SEMA6B: variants seen among roughly 807,000 people sequenced by gnomAD.
SEMA6B encodes the protein semaphorin 6B.
In SEMA6B, 47 loss-of-function variants were observed where a neutral mutation model predicts 78.6. The ratio of observed to expected loss-of-function variants is 0.60; its 90% confidence interval spans 0.47 to 0.76. The LOEUF (loss-of-function observed/expected upper bound fraction) is 0.76. Among genes scored for constraint, SEMA6B ranks in the 30% least tolerant of loss-of-function variants. The pLI, the probability that SEMA6B is intolerant of heterozygous loss-of-function variation, is 0.00. For missense variants in SEMA6B, 1,213 were observed against 1,269.9 expected, an observed-to-expected ratio of 0.96 and a Z score of 0.68; for synonymous variants, 632 against 592.2, an observed-to-expected ratio of 1.07 and a Z score of -0.98.
chr19:4,557,325 C>A, intron 3 of SEMA6B, 102 bp from the exon 4 acceptor site: 1 of 771,482 alleles, frequency 1.3e-6, no homozygotes, highest in Non-Finnish European at 2.1e-6. Context: ...GCATGCAGGG[C>A]CATGCCAATG....
In SEMA6B at chr19:4,552,714, A is replaced by G. The variant is rs532871894; in HGVS notation, c.772-75T>C. On this transcript the variant is annotated intron_variant, in intron 9 of 16. Transcript: ENST00000586582. This position sits in a 1 kb window ranked among gnomAD's most constrained non-coding sequence, Gnocchi z 7.4. ...GGCCTGTTCACAGGCTGTGCCACTCACCACCCAAACTGTGATGGAGGAGTC... is the reference window on the plus strand; with the variant it reads ...GGCCTGTTCACAGGCTGTGCCACTCGCCACCCAAACTGTGATGGAGGAGTC... The G allele has an allele frequency of 2.9e-6, 4 of 1,385,322 alleles. No homozygotes were observed. The South Asian group carries it at 5.4e-5, about 19-fold the overall frequency. 85.8% of individuals were successfully genotyped at this position (1,385,322 alleles called of 1,614,324 possible).
chr19:4,555,279 A>T lies in SEMA6B; in HGVS notation c.563-184T>A, dbSNP rs1002562137. Among the ~76,000 whole-genome samples, 1 of 151,822 alleles carries T rather than the reference A, an allele frequency of 6.6e-6. No individual in the cohort carries two copies. The highest frequency in any genetic ancestry group is 1.5e-5 in the Non-Finnish European group (1 of 67,946). ...AGCCCTGACCTTAACTGAGCCCCTG[A>T]CCCCGGCTAAGCCCCAAATCCCGCT... On this transcript the variant is annotated intron_variant, in intron 7 of 16. Coordinates refer to ENST00000586582, the MANE Select transcript of SEMA6B (RefSeq NM_032108.4). This position sits in a 1 kb window ranked among gnomAD's most constrained non-coding sequence, Gnocchi z 6.1.
chr19:4,542,734 G>A lies in SEMA6B; in HGVS notation c.*867C>T, dbSNP rs1213385675. 1.4e-6 allele frequency: 1 copy of A among 694,388 alleles called. No individual in the cohort carries two copies. Among genetic ancestry groups the A allele is most frequent in the South Asian group, 1.5e-5 (1 of 66,546 alleles). The allele number at this position is 694,388 out of a possible 1,614,324, so 43.0% of individuals were successfully genotyped here. ...AGGTCACAAGGGGACGGGTGGCATG[G>A]GACTCTCTCACCACCCTGGGGCCGT... On this transcript the variant is annotated 3_prime_UTR_variant, in exon 17 of 17. Transcript: ENST00000586582.
chr19:4,557,041 G>T, intron 4 of SEMA6B, 28 bp from the exon 5 acceptor site: 1 of 1,609,074 alleles, frequency 6.2e-7, no homozygotes, highest in Non-Finnish European at 8.5e-7. Flanking sequence ...TGGTGAGGGG[G>T]TAACGGGTCC....
Position 4,550,957 on chromosome 19 carries a change from G to A in SEMA6B, c.990-27C>T, listed in dbSNP as rs1005751452. 3.1e-6 allele frequency: 5 copies of A among 1,612,408 alleles called. No individual in the cohort carries two copies. Among genetic ancestry groups the A allele is most frequent in the Non-Finnish European group, 4.2e-6 (5 of 1,179,352 alleles). Reference sequence around the variant, plus strand: ...TGAGGGGTTGGGATGAAAGAGTTTGGTGAGCCCGGTGGGAGGCCCCATCTC... The same window carrying A: ...TGAGGGGTTGGGATGAAAGAGTTTGATGAGCCCGGTGGGAGGCCCCATCTC... On this transcript the variant is annotated intron_variant, in intron 10 of 16. Coordinates refer to ENST00000586582, the MANE Select transcript of SEMA6B (RefSeq NM_032108.4). This position sits in a 1 kb window ranked among gnomAD's most constrained non-coding sequence, Gnocchi z 6.6.
At chr19:4,548,576 G>GT (rs1321208102) in intron 12 of SEMA6B, 131 bp from the exon 13 acceptor site, 3 of 832,294 alleles carry the variant, frequency 3.6e-6, no homozygotes, top group Non-Finnish European at 5.6e-6. Context: ...ATAAATGCGT[G>GT]TGTGCATGGA....
At position 4,543,990 on chromosome 19, in the gene SEMA6B, C is replaced by G. The variant is rs1239708050; in HGVS notation, c.2278G>C (p.Glu760Gln). The part of the protein sequence containing the change: ...LLLLAPARAP[E>Q]QPPAPGEPTP... ...GGCTCCCCAGGCGCGGGGGGCTGCT[C>G]GGGGGCCCGGGCGGGCGCCAGCAGC... Residue 760 changes from glutamate to glutamine, a missense_variant, in exon 17 of 17, where the codon GAG becomes CAG. By Grantham distance (29) the Glu-to-Gln change is conservative. Coordinates refer to ENST00000586582, the MANE Select transcript of SEMA6B (RefSeq NM_032108.4). 1.7e-6 allele frequency: 2 copies of G among 1,204,726 alleles called. No individual in the cohort carries two copies. Among genetic ancestry groups the G allele is most frequent in the Admixed American group, 4.4e-5 (1 of 22,548 alleles). The allele number at this position is 1,204,726 out of a possible 1,614,324, so 74.6% of individuals were successfully genotyped here. A position where few individuals can be genotyped will look rare whatever the true frequency, so the allele number is the denominator to read the frequency against.
Position 4,555,461 on chromosome 19 carries a change from G to A in SEMA6B, c.562+13C>T. 6.2e-7 allele frequency: 1 copy of A among 1,607,354 alleles called. No individual in the cohort carries two copies. Among genetic ancestry groups the A allele is most frequent in the Admixed American group, 1.7e-5 (1 of 58,680 alleles). On this transcript the variant is annotated intron_variant, in intron 7 of 16. Coordinates refer to ENST00000586582, the MANE Select transcript of SEMA6B (RefSeq NM_032108.4). The surrounding 1 kb of genome is among the most constrained non-coding windows in gnomAD (Gnocchi z 6.1). ...GCTGGGGCTGATCAGATGGAGGTTG[G>A]GGGGGTACTTACCAGAGAAGAGGGC...
intron 3 of SEMA6B, among the ~76,000 whole-genome samples, 198 bp from the exon 4 acceptor site, chr19:4,557,421 G>A (rs150489470): frequency 1.6e-3 from 240 of 152,190 alleles, no homozygotes; most frequent in African/African-American, 5.5e-3. Context: ...CCTCCTGCCC[G>A]GCACGCCCCA....
rs780268493 is a variant in SEMA6B at position 4,548,161 on chromosome 19, G to C, written c.1467C>G (p.Pro489=). The change falls in exon 14 of 17, where the codon CCC becomes CCG. Residue 489 remains proline (P), a synonymous_variant. Coordinates refer to ENST00000586582, the MANE Select transcript of SEMA6B (RefSeq NM_032108.4). ...ETYRPDRCGR[P]GGGETGQRLL... ...GCCGCTGCCCTGTCTCGCCACCGCCGGGCCGTCCACACCTGGGGACAAGCA... is the reference window on the plus strand; with the variant it reads ...GCCGCTGCCCTGTCTCGCCACCGCCCGGCCGTCCACACCTGGGGACAAGCA... 22 of 1,591,756 alleles carry C rather than the reference G, an allele frequency of 1.4e-5. No individual in the cohort carries two copies. The highest frequency in any genetic ancestry group is 1.8e-5 in the Non-Finnish European group (21 of 1,167,232).
chr19:4,548,337 C>A lies in SEMA6B; in HGVS notation c.1380G>T (p.Arg460=). 1.2e-6 allele frequency: 2 copies of A among 1,613,926 alleles called. No homozygotes were observed. The highest frequency in any genetic ancestry group is 1.7e-6 in the Non-Finnish European group (2 of 1,180,016). The part of the protein sequence containing the change: ...EAGTVLKFLV[R]PNASTSGTSG... Reference sequence around the variant, plus strand: ...ACGTCCCTGAGGTGCTGGCATTGGGCCGGACGAGGAACTTGAGGACCGTCC... The same window carrying A: ...ACGTCCCTGAGGTGCTGGCATTGGGACGGACGAGGAACTTGAGGACCGTCC... The change falls in exon 13 of 17, where the codon CGG becomes CGT. Residue 460 remains arginine (R), a synonymous_variant. Transcript: ENST00000586582.
chr19:4,543,667 C>G lies in SEMA6B; in HGVS notation c.2601G>C (p.Pro867=), dbSNP rs1013629555. The G allele has an allele frequency of 6.5e-6, 8 of 1,231,000 alleles. No individual in the cohort carries two copies. The highest frequency in any genetic ancestry group is 4.1e-6 in the Non-Finnish European group (4 of 987,488). The allele number at this position is 1,231,000 out of a possible 1,614,324, so 76.3% of individuals were successfully genotyped here. The part of the protein sequence containing the change: ...GDRHRGCHAR[P]GTDLAHLLPY... ...GGAGGAGGTGGGCCAAGTCTGTGCC[C>G]GGCCGGGCGTGGCAGCCGCGGTGGC... The change falls in exon 17 of 17, where the codon CCG becomes CCC. Residue 867 remains proline, a synonymous_variant. Coordinates refer to ENST00000586582, the MANE Select transcript of SEMA6B (RefSeq NM_032108.4).
At position 4,543,372 on chromosome 19, in the gene SEMA6B, C is replaced by G. The variant is rs934979004; in HGVS notation, c.*229G>C. Reference sequence around the variant, plus strand: ...GTCAACCTCAAATCCATAGCAAAGTCCTCCCGCCCACCCACCCCCAAACCG... The same window carrying G: ...GTCAACCTCAAATCCATAGCAAAGTGCTCCCGCCCACCCACCCCCAAACCG... On this transcript the variant is annotated 3_prime_UTR_variant, in exon 17 of 17. Transcript: ENST00000586582. 9.8e-6 allele frequency: 4 copies of G among 406,168 alleles called. No individual in the cohort carries two copies. 25.2% of individuals were successfully genotyped at this position (406,168 alleles called of 1,614,324 possible).
chr19:4,554,973 C>T lies in SEMA6B; in HGVS notation c.682+3G>A. On this transcript the variant is annotated splice_donor_region_variant and intron_variant, in intron 8 of 16. Coordinates refer to ENST00000586582, the MANE Select transcript of SEMA6B (RefSeq NM_032108.4). Reference sequence around the variant, plus strand: ...CTGGGCCCACTGCCCTTCCTGGTCTCACCTTTGAACCACTTGGAGTCATGT... The same window carrying T: ...CTGGGCCCACTGCCCTTCCTGGTCTTACCTTTGAACCACTTGGAGTCATGT... 1 of 1,613,464 alleles carries T rather than the reference C, an allele frequency of 6.2e-7. No individual in the cohort carries two copies. Among genetic ancestry groups the T allele is most frequent in the Non-Finnish European group, 8.5e-7 (1 of 1,179,626 alleles).
rs184202976 is a variant in SEMA6B, at chr19:4,550,725, G to C, written c.1121+74C>G. 6.4e-7 allele frequency: 1 copy of C among 1,557,590 alleles called. No homozygotes were observed. Among genetic ancestry groups the C allele is most frequent in the Admixed American group, 1.8e-5 (1 of 55,556 alleles). On this transcript the variant is annotated intron_variant, in intron 11 of 16. Transcript: ENST00000586582. The surrounding 1 kb of genome is among the most constrained non-coding windows in gnomAD (Gnocchi z 6.6). ...CTCAGCATCAGCTAAATAACCACCC[G>C]GAAGCCCCAGCCCTCGGCCCTGGGG... is the stretch of plus-strand genomic sequence containing the variant.
chr19:4,557,717 G>T (rs1977510502), intron 3 of SEMA6B, among the ~76,000 whole-genome samples: 1 of 152,142 alleles, frequency 6.6e-6, no homozygotes, highest in African/African-American at 2.4e-5. Flanking sequence ...ACCTGGTCCA[G>T]CCTCAATCAT....
intron 9 of SEMA6B, among the ~76,000 whole-genome samples, chr19:4,553,053 A>G (rs1369020731): frequency 2.6e-5 from 4 of 152,236 alleles, no homozygotes; most frequent in African/African-American, 9.6e-5. Flanking sequence ...GGTTGCCTGG[A>G]TGGACGGATG....
chr19:4,546,469 C>T lies in SEMA6B; in HGVS notation c.1602G>A (p.Lys534=), dbSNP rs746586767. ...ARCQQYSGCM[K]NCIGSQDPYC... ...AGGGGTCCTGACTGCCGATACAGTTCCTAGAGCAGACCAGGGACCGAATGG... is the reference window on the plus strand; with the variant it reads ...AGGGGTCCTGACTGCCGATACAGTTTCTAGAGCAGACCAGGGACCGAATGG... Residue 534 remains lysine (K), a splice_region_variant and synonymous_variant, in exon 15 of 17, where the codon AAG becomes AAA. Coordinates refer to ENST00000586582, the MANE Select transcript of SEMA6B (RefSeq NM_032108.4). 10 of 1,557,126 alleles carry T rather than the reference C, an allele frequency of 6.4e-6. No homozygotes were observed. The South Asian group carries it at 1.1e-4, about 17-fold the overall frequency.
chr19:4,558,089 C>T lies in SEMA6B; in HGVS notation c.182G>A (p.Gly61Asp). 1 of 1,526,880 alleles carries T rather than the reference C, an allele frequency of 6.5e-7. No homozygotes were observed. The highest frequency in any genetic ancestry group is 8.9e-7 in the Non-Finnish European group (1 of 1,128,762). The allele number at this position is 1,526,880 out of a possible 1,614,324, so 94.6% of individuals were successfully genotyped here. Residue 61 changes from glycine (G) to aspartate (D), a missense_variant, in exon 3 of 17, where the codon GGT becomes GAT. Gly to Asp is a moderately conservative substitution (Grantham distance 94). Transcript: ENST00000586582. This position sits in a 1 kb window ranked among gnomAD's most constrained non-coding sequence, Gnocchi z 5.1. ...TCGCTGGATGTTGAGGTCGTCAGCA[C>T]CTTCTGCGGGGGTCAGGCGTCCGGG... ...SGPGRLTPAE[G>D]ADDLNIQRVL...
Sources: gnomAD v4.1 joint callset for allele counts (sites outside exome capture counted in the v4.1 genomes callset) on GRCh38, gnomAD v4.1.1 for gene constraint, Gnocchi (gnomAD v3.1) non-coding constraint, MANE v1.5 for transcripts, NCBI Gene and HGNC (gene_info 2026-07-23, HGNC 2026-07-21) for gene names.